COL6A3: variants seen among roughly 807,000 people sequenced by gnomAD.
COL6A3 encodes the protein collagen alpha-3(VI) chain.
In COL6A3, 137 loss-of-function variants were observed where a neutral mutation model predicts 274.1. The observed-to-expected ratio is 0.50, with a 90% confidence interval of 0.44 to 0.58. The LOEUF is 0.58. Among genes scored for constraint, COL6A3 ranks in the 20% least tolerant of loss-of-function variants. The probability of loss-of-function intolerance (pLI) is 0.00; values close to 1 mark genes in which losing one functional copy is unlikely to be tolerated. For synonymous variants in COL6A3, 1,650 were observed against 1,650.6 expected (o/e 1.00, Z 0.01); for missense variants, 3,950 against 4,124.9 (o/e 0.96, Z 1.16).
Position 237,367,055 on chromosome 2 carries a change from T to C in COL6A3, c.5132A>G (p.Tyr1711Cys), listed in dbSNP as rs772542482. The C allele has an allele frequency of 1.9e-6, 3 of 1,614,102 alleles. No individual in the cohort carries two copies. The African/African-American group carries it at 4.0e-5, about 22-fold the overall frequency. ...QIIDAINKVV[Y>C]KGGRHANTKV... Reference sequence around the variant, plus strand: ...AGTGTTGGCGTGTCTTCCCCCTTTGTAGACCACTTTGTTGATGGCGTCAAT... The same window carrying C: ...AGTGTTGGCGTGTCTTCCCCCTTTGCAGACCACTTTGTTGATGGCGTCAAT... The change falls in exon 11 of 44, where the codon TAC becomes TGC. Residue 1711 changes from tyrosine (Y) to cysteine (C), a missense_variant. By Grantham distance (194) the Tyr-to-Cys change is radical (BLOSUM62 -2). This residue lies in a region of COL6A3 where 632 missense variants were observed against 623.4 expected (regional missense o/e 1.01). Coordinates refer to ENST00000295550, the MANE Select transcript of COL6A3 (RefSeq NM_004369.4).
Position 237,363,237 on chromosome 2 carries a change from CAT to C in COL6A3, c.6063+14_6063+15del, listed in dbSNP as rs2077477489. On this transcript the variant is annotated intron_variant, in intron 14 of 43. Coordinates refer to ENST00000295550, the MANE Select transcript of COL6A3 (RefSeq NM_004369.4). ...ATCTACACTGGTCTGTGTATAAAGACATAAAAAAAACTCACAAGCTGCTCCGC... is the reference window on the plus strand; with the variant it reads ...ATCTACACTGGTCTGTGTATAAAGACAAAAAAAACTCACAAGCTGCTCCGC... 6.3e-7 allele frequency: 1 copy of C among 1,594,002 alleles called. No homozygotes were observed. Among genetic ancestry groups the C allele is most frequent in the African/African-American group, 1.4e-5 (1 of 71,144 alleles).
chr2:237,358,415 G>A lies in COL6A3; in HGVS notation c.6471+106C>T, dbSNP rs4663731. On this transcript the variant is annotated intron_variant, in intron 21 of 43. Transcript: ENST00000295550. ...AAGACAAAGCACATATTTTATCAACGTGTTTTAAAGCAATTTCAAAAGTAG... is the reference window on the plus strand; with the variant it reads ...AAGACAAAGCACATATTTTATCAACATGTTTTAAAGCAATTTCAAAAGTAG... 0.59 allele frequency: 562,068 copies of A among 949,394 alleles called. 168,054 individuals carry two copies. The highest frequency in any genetic ancestry group is 0.68 in the Middle Eastern group (3,253 of 4,800). The allele number at this position is 949,394 out of a possible 1,614,324, so 58.8% of individuals were successfully genotyped here. A position where few individuals can be genotyped will look rare whatever the true frequency, so the allele number is the denominator to read the frequency against.
chr2:237,348,609 G>A lies in COL6A3; in HGVS notation c.6930+4C>T, dbSNP rs375657891. Reference sequence around the variant, plus strand: ...CGCTTGGATAATCCTCAGCAGATACGTACTTTTTTGCCTCTGCGTCCTTCA... The same window carrying A: ...CGCTTGGATAATCCTCAGCAGATACATACTTTTTTGCCTCTGCGTCCTTCA... On this transcript the variant is annotated splice_donor_region_variant and intron_variant, in intron 29 of 43. Transcript: ENST00000295550. 219 of 1,613,576 alleles carry A rather than the reference G, an allele frequency of 1.4e-4. No individual in the cohort carries two copies. Among genetic ancestry groups the A allele is most frequent in the Non-Finnish European group, 1.7e-4 (200 of 1,179,670 alleles).
chr2:237,410,300 C>CTTTT (rs552676030), intron 1 of COL6A3, among the ~76,000 whole-genome samples: 7 of 126,208 alleles, frequency 5.5e-5, no homozygotes, highest in East Asian at 2.3e-4. Flanking sequence ...AATTTCTTTT[C>CTTTT]TTTTTTTTTT....
In COL6A3 at chr2:237,358,523, G is replaced by C. The variant is rs746104217; in HGVS notation, c.6469C>G (p.Pro2157Ala). 6 of 1,613,460 alleles carry C rather than the reference G, an allele frequency of 3.7e-6. No homozygotes were observed. In the South Asian group the frequency reaches 6.6e-5, roughly 18 times the overall value. ...ERGDVGIRGD[P>A]GNPGQDSQER... is the part of the protein sequence containing the mutation. ...ATCGTCAATAAAGAAATCTTTACCG[G>C]GTCCCCTCGAATCCCAACATCTCCT... Residue 2157 changes from proline to alanine, a missense_variant and splice_region_variant, in exon 21 of 44, where the codon CCG becomes GCG. Transcript: ENST00000295550.
intron 1 of COL6A3, among the ~76,000 whole-genome samples, chr2:237,411,990 A>G (rs2078868021): frequency 6.6e-6 from 1 of 152,176 alleles, no homozygotes; most frequent in African/African-American, 2.4e-5. Context: ...ACTTCACCCC[A>G]ACATGGAATT....
At chr2:237,393,434 A>T (rs906511027) in intron 3 of COL6A3, among the ~76,000 whole-genome samples, 1 of 152,122 alleles carries the variant, frequency 6.6e-6, no homozygotes, top group African/African-American at 2.4e-5. Context: ...TGTCAACTCA[A>T]CTTGAACTCT....
At position 237,363,258 on chromosome 2, in the gene COL6A3, G is replaced by T. The variant is rs1438716392; in HGVS notation, c.6058C>A (p.Gln2020Lys). The change falls in exon 14 of 44, where the codon CAG becomes AAG. Residue 2020 changes from glutamine (Q) to lysine (K), a missense_variant. Gln to Lys is a moderately conservative substitution (Grantham distance 53, BLOSUM62 1). Around this residue, in one of 5 missense-constraint regions of COL6A3, gnomAD observed 632 missense variants for 623.4 expected, o/e 1.01. Coordinates refer to ENST00000295550, the MANE Select transcript of COL6A3 (RefSeq NM_004369.4). ...LLDLDYELAE[Q>K]LDNIAEKACC... is the part of the protein sequence containing the mutation. ...AAGACATAAAAAAAACTCACAAGCT[G>T]CTCCGCTAGTTCATAATCCAAGTCC... 6 of 1,613,572 alleles carry T rather than the reference G, an allele frequency of 3.7e-6. No homozygotes were observed. The South Asian group carries it at 6.6e-5, about 18-fold the overall frequency.
At chr2:237,334,392 A>G (rs923449010) in intron 41 of COL6A3, among the ~76,000 whole-genome samples, 1 of 152,236 alleles carries the variant, frequency 6.6e-6, no homozygotes, top group Non-Finnish European at 1.5e-5. Context: ...AAAGTAGCCC[A>G]GGACCCAGAG....
rs111577719 is a variant in COL6A3 at position 237,395,120 on chromosome 2, C to T, written c.176G>A (p.Arg59Gln). 5.6e-6 allele frequency: 9 copies of T among 1,613,880 alleles called. No individual in the cohort carries two copies. The highest frequency in any genetic ancestry group is 1.3e-5 in the African/African-American group (1 of 74,910). ...TTTTACAACATCATATAGAAACTCT[C>T]GAACAAGTTGGAAATGTTCCTCTCC... ...TIGEEHFQLV[R>Q]EFLYDVVKSL... is the part of the protein sequence containing the mutation. The change falls in exon 3 of 44, where the codon CGA becomes CAA. Residue 59 changes from arginine to glutamine, a missense_variant. Coordinates refer to ENST00000295550, the MANE Select transcript of COL6A3 (RefSeq NM_004369.4).
intron 9 of COL6A3, among the ~76,000 whole-genome samples, chr2:237,369,648 C>T (rs2077638150): frequency 6.6e-6 from 1 of 152,166 alleles, no homozygotes; most frequent in Non-Finnish European, 1.5e-5. Flanking sequence ...CCTGAGGAGC[C>T]CAACACCATC....
At chr2:237,358,465 C>A in intron 21 of COL6A3, 56 bp downstream of exon 21, 1 of 1,424,454 alleles carries the variant, frequency 7.0e-7, no homozygotes, top group South Asian at 1.1e-5. Flanking sequence ...TCCCCCTTTC[C>A]CAACAACCCT....
chr2:237,339,343 G>T (rs981005679), intron 38 of COL6A3, among the ~76,000 whole-genome samples: 1 of 152,178 alleles, frequency 6.6e-6, no homozygotes, highest in African/African-American at 2.4e-5. Context: ...GGCAATATTT[G>T]GGTGATTAAG....
chr2:237,356,898 AG>A (rs1051227615), intron 23 of COL6A3: 2 of 225,360 alleles, frequency 8.9e-6, no homozygotes, highest in African/African-American at 2.3e-5. Context: ...CGCCAGAAAA[AG>A]AAGAAATCTA....
intron 1 of COL6A3, among the ~76,000 whole-genome samples, chr2:237,409,528 G>T (rs1197730492): frequency 2.0e-5 from 3 of 150,852 alleles, no homozygotes; most frequent in African/African-American, 7.4e-5. Context: ...TTAGGTTTTT[G>T]TTTTTTTTGT....
In COL6A3 at chr2:237,345,061, A is replaced by G; in HGVS notation, c.7159T>C (p.Cys2387Arg). The G allele has an allele frequency of 6.2e-7, 1 of 1,614,230 alleles. No homozygotes were observed. The highest frequency in any genetic ancestry group is 1.3e-5 in the African/African-American group (1 of 75,062). ...CALIQSIKDKCPCCYGPLECP... is the reference protein window; with the variant it reads ...CALIQSIKDKRPCCYGPLECP... ...CAACAGAAAATCATGTACTTACGGCATTTATCTTTGATGCTTTGGATGAGG... is the reference window on the plus strand; with the variant it reads ...CAACAGAAAATCATGTACTTACGGCGTTTATCTTTGATGCTTTGGATGAGG... The change falls in exon 34 of 44, where the codon TGC becomes CGC. Residue 2387 changes from cysteine to arginine, a missense_variant. By Grantham distance (180) the Cys-to-Arg change is radical (BLOSUM62 -3). Coordinates refer to ENST00000295550, the MANE Select transcript of COL6A3 (RefSeq NM_004369.4).
intron 23 of COL6A3, 172 bp from the exon 24 acceptor site, chr2:237,355,106 C>G: frequency 1.6e-6 from 1 of 611,412 alleles, no homozygotes; most frequent in Admixed American, 2.6e-5. Context: ...CCTGGGGAAA[C>G]TCGCACACAC....
In COL6A3 at chr2:237,347,804, T is replaced by C. The variant is rs886044464; in HGVS notation, c.7029+3A>G. 18 of 1,609,184 alleles carry C rather than the reference T, an allele frequency of 1.1e-5. No homozygotes were observed. The highest frequency in any genetic ancestry group is 1.4e-5 in the Non-Finnish European group (17 of 1,177,748). On this transcript the variant is annotated splice_donor_region_variant and intron_variant, in intron 31 of 43. Transcript: ENST00000295550. ...CCTGCAGCCAAGGCCCACGCAAACTTACCCTTCGGCCTCTGATGCCTTTGG... is the reference window on the plus strand; with the variant it reads ...CCTGCAGCCAAGGCCCACGCAAACTCACCCTTCGGCCTCTGATGCCTTTGG...
At chr2:237,357,593 G>A (rs1187571067) in intron 22 of COL6A3, among the ~76,000 whole-genome samples, 3 of 152,220 alleles carry the variant, frequency 2.0e-5, no homozygotes, top group Admixed American at 6.5e-5. Context: ...AGCACCTTCC[G>A]TAAATATCTA....
Sources: gnomAD v4.1 joint callset for allele counts (sites outside exome capture counted in the v4.1 genomes callset) on GRCh38, gnomAD v4.1.1 for gene constraint, gnomAD v4.1.1 regional missense constraint, MANE v1.5 for transcripts, NCBI Gene and HGNC (gene_info 2026-07-23, HGNC 2026-07-21) for gene names.